Variants in TAFA1 observed in about 807,000 individuals in gnomAD.
TAFA1 encodes TAFA chemokine like family member 1.
TAFA1 carries 4 observed loss-of-function variants against 18.5 expected under a neutral mutation model. The observed-to-expected ratio is 0.22, with a 90% CI of 0.11 to 0.49. The LOEUF (loss-of-function observed/expected upper bound fraction) is 0.49. TAFA1 is among the 20% of genes least tolerant of loss of function. TAFA1 has a pLI of 0.98. For synonymous variants in TAFA1, 56 were observed against 55.2 expected (o/e 1.01, Z -0.06); for missense variants, 147 against 169.0 (o/e 0.87, Z 0.72).
At chr3:68,483,775 T>C (rs370130842) in intron 3 of TAFA1, among the ~76,000 whole-genome samples, 1 of 152,260 alleles carries the variant, frequency 6.6e-6, no homozygotes, top group African/African-American at 2.4e-5. Flanking sequence ...GCTAAGACTT[T>C]AAGAGGATAA....
chr3:68,021,083 G>A (rs1414888257), intron 2 of TAFA1, among the ~76,000 whole-genome samples: 1 of 148,356 alleles, frequency 6.7e-6, no homozygotes, highest in Non-Finnish European at 1.5e-5. Flanking sequence ...CTACTCGGAA[G>A]GCTGAGATGA....
chr3:68,443,229 C>A (rs2071416346), intron 3 of TAFA1, among the ~76,000 whole-genome samples: 1 of 152,032 alleles, frequency 6.6e-6, no homozygotes, highest in South Asian at 2.1e-4. Flanking sequence ...CTGGTAACAT[C>A]CTTCCTCTAA....
intron 2 of TAFA1, among the ~76,000 whole-genome samples, chr3:68,191,127 T>C (rs1257893395): frequency 6.6e-6 from 1 of 151,880 alleles, no homozygotes; most frequent in Non-Finnish European, 1.5e-5. Context: ...TGCTGTTTTA[T>C]GATGAGTCTA....
chr3:68,003,281 G>A (rs1704304544), upstream of TAFA1, among the ~76,000 whole-genome samples: 1 of 152,216 alleles, frequency 6.6e-6, no homozygotes, highest in African/African-American at 2.4e-5. Context: ...AAGATGTGCA[G>A]CAGCATTGGA....
chr3:68,339,964 C>T (rs570383806), intron 2 of TAFA1, among the ~76,000 whole-genome samples: 4 of 152,324 alleles, frequency 2.6e-5, no homozygotes, highest in South Asian at 2.1e-4. Context: ...TCTTCTGATA[C>T]GAATACTATT....
At chr3:68,021,005 G>A (rs1269076336) in intron 2 of TAFA1, among the ~76,000 whole-genome samples, 3 of 151,760 alleles carry the variant, frequency 2.0e-5, no homozygotes, top group Non-Finnish European at 4.4e-5. Context: ...GGCCAACATG[G>A]TGAAACCCCA....
chr3:68,006,769 C>A, intron 2 of TAFA1, 25 bp downstream of exon 2: 1 of 1,432,056 alleles, frequency 7.0e-7, no homozygotes, highest in Non-Finnish European at 9.9e-7. Context: ...GGCTCCACTG[C>A]AGCCTCCTCC....
chr3:68,512,035 T>C (rs535557063), intron 3 of TAFA1, among the ~76,000 whole-genome samples: 1 of 152,192 alleles, frequency 6.6e-6, no homozygotes, highest in African/African-American at 2.4e-5. Context: ...TGATTATCCC[T>C]ATCTAATAAA....
chr3:68,071,136 C>T (rs952030378), intron 2 of TAFA1, among the ~76,000 whole-genome samples: 10 of 152,148 alleles, frequency 6.6e-5, no homozygotes, highest in East Asian at 1.9e-4. Context: ...GAGACATGTC[C>T]GAGACTGAGT....
At position 68,479,241 on chromosome 3, in the gene TAFA1, A is replaced by AATAT. The variant is rs397989986; in HGVS notation, c.260-59496_260-59493dup. 8.0e-3 allele frequency among the ~76,000 whole-genome samples: 987 copies of AATAT among 123,582 alleles called. 13 individuals carry two copies. The highest frequency in any genetic ancestry group is 0.012 in the Middle Eastern group (3 of 248). 81.1% of individuals were successfully genotyped at this position (123,582 alleles called of 152,430 possible). On this transcript the variant is annotated intron_variant, in intron 3 of 4. Coordinates refer to ENST00000478136, the MANE Select transcript of TAFA1 (RefSeq NM_213609.4). The stretch of plus-strand genomic sequence containing the variant: ...TGAGACTCCATCTCAAAAAAAAAAA[A>AATAT]ATATATATATATATATATATATGTC...
chr3:68,493,744 G>A (rs2072495007), intron 3 of TAFA1, among the ~76,000 whole-genome samples: 1 of 152,176 alleles, frequency 6.6e-6, no homozygotes, highest in African/African-American at 2.4e-5. Flanking sequence ...GCACATTCTA[G>A]ACAATGAATG....
At chr3:68,129,183 G>C (rs1425777910) in intron 2 of TAFA1, among the ~76,000 whole-genome samples, 1 of 152,132 alleles carries the variant, frequency 6.6e-6, no homozygotes, top group Non-Finnish European at 1.5e-5. Flanking sequence ...AAATCAGAGA[G>C]GTTAAGCAGT....
chr3:68,276,886 T>C (rs1375971322), intron 2 of TAFA1, among the ~76,000 whole-genome samples: 2 of 152,164 alleles, frequency 1.3e-5, no homozygotes, highest in Non-Finnish European at 2.9e-5. Flanking sequence ...CTGTACCATA[T>C]AGCTTTCCTA....
chr3:68,388,486 A>G (rs2070154643), intron 2 of TAFA1, among the ~76,000 whole-genome samples: 1 of 152,018 alleles, frequency 6.6e-6, no homozygotes, highest in Admixed American at 6.6e-5. Context: ...TTTTTTCTCT[A>G]ATATATCATA....
At chr3:68,459,831 G>A (rs894503083) in intron 3 of TAFA1, among the ~76,000 whole-genome samples, 1 of 152,202 alleles carries the variant, frequency 6.6e-6, no homozygotes, top group African/African-American at 2.4e-5. Context: ...AACTTCTCAT[G>A]TGTAATCAGA....
chr3:68,353,862 TAATC>T (rs1172066436), intron 2 of TAFA1, among the ~76,000 whole-genome samples: 3 of 152,046 alleles, frequency 2.0e-5, no homozygotes, highest in African/African-American at 7.2e-5. Context: ...ATTCCCAAAT[TAATC>T]AACCCCAGTC....
intron 2 of TAFA1, among the ~76,000 whole-genome samples, chr3:68,073,188 T>C (rs1323536966): frequency 6.6e-6 from 1 of 152,174 alleles, no homozygotes; most frequent in Non-Finnish European, 1.5e-5. Flanking sequence ...TTTTTTTGGG[T>C]TTCTTGGAGG....
chr3:68,424,306 G>A lies in TAFA1; in HGVS notation c.259+6886G>A, dbSNP rs1252618350. Among the ~76,000 whole-genome samples, 8 of 151,926 alleles carry A rather than the reference G, an allele frequency of 5.3e-5. No individual in the cohort carries two copies. The East Asian group carries it at 1.6e-3, about 30-fold the overall frequency. On this transcript the variant is annotated intron_variant, in intron 3 of 4. Transcript: ENST00000478136. ...ACAGTGAGAGAAAGAAACATACAAAGCATATGAGAAAGAGAGGGTCAGAGA... is the reference window on the plus strand; with the variant it reads ...ACAGTGAGAGAAAGAAACATACAAAACATATGAGAAAGAGAGGGTCAGAGA...
At chr3:68,074,554 T>C (rs574854544) in intron 2 of TAFA1, among the ~76,000 whole-genome samples, 23 of 152,176 alleles carry the variant, frequency 1.5e-4, no homozygotes, top group Non-Finnish European at 2.8e-4. Context: ...CAAAGGGATA[T>C]GATGACACTA....
Sources: gnomAD v4.1 joint callset for allele counts (sites outside exome capture counted in the v4.1 genomes callset) on GRCh38, gnomAD v4.1.1 for gene constraint, MANE v1.5 for transcripts, NCBI Gene and HGNC (gene_info 2026-07-23, HGNC 2026-07-21) for gene names.